The following LGALSL variants were observed in gnomAD, a reference collection of about 807,000 sequenced individuals.
The protein encoded by LGALSL is galectin-related protein.
In LGALSL, 13 loss-of-function variants were observed where a neutral mutation model predicts 19.5. The observed-to-expected ratio is 0.67, with a 90% CI of 0.43 to 1.06. The LOEUF is 1.06. Among genes scored for constraint, LGALSL ranks in the 50% least tolerant of loss-of-function variants. LGALSL has a pLI of 0.00. For synonymous variants in LGALSL, 86 were observed against 78.3 expected, an observed-to-expected ratio of 1.10 and a Z score of -0.52; for missense variants, 189 against 219.3, an observed-to-expected ratio of 0.86 and a Z score of 0.87.
intron 2 of LGALSL, 79 bp from the exon 3 acceptor site, chr2:64,455,510 G>T (rs1686721122): frequency 6.7e-7 from 1 of 1,488,672 alleles, no homozygotes; most frequent in Non-Finnish European, 9.4e-7. Context: ...TTTCCAGTGG[G>T]TCAGGCCTTC....
At chr2:64,457,829 A>T (rs543454897) in intron 4 of LGALSL, among the ~76,000 whole-genome samples, 1 of 152,264 alleles carries the variant, frequency 6.6e-6, no homozygotes, top group South Asian at 2.1e-4. Context: ...CTTAGTGATG[A>T]ACCTTAATGC....
intron 1 of LGALSL, 76 bp from the exon 2 acceptor site, chr2:64,455,268 A>C: frequency 1.1e-6 from 1 of 925,600 alleles, no homozygotes; most frequent in Non-Finnish European, 1.8e-6. Context: ...GGATTCCACC[A>C]CATCTGTGTG....
chr2:64,455,065 C>G (rs959723846), intron 1 of LGALSL, among the ~76,000 whole-genome samples: 1 of 152,200 alleles, frequency 6.6e-6, no homozygotes, highest in African/African-American at 2.4e-5. Flanking sequence ...GGGGCCTGCC[C>G]TCCTCCGGCG....
rs1686785423 is a variant in LGALSL, at chr2:64,459,547, A to G, written c.*1119A>G. 6.6e-6 allele frequency: 1 copy of G among 152,168 alleles called. No homozygotes were observed. Among genetic ancestry groups the G allele is most frequent in the African/African-American group, 2.4e-5 (1 of 41,448 alleles). 9.4% of individuals were successfully genotyped at this position (152,168 alleles called of 1,614,324 possible). ...TTATGTGACCCTCACCAATATCCCT[A>G]AGTAATGCCTTTGGAAGCTTCAGAG... On this transcript the variant is annotated 3_prime_UTR_variant, in exon 5 of 5. Transcript: ENST00000238875.
At position 64,460,424 on chromosome 2, in the gene LGALSL, T is replaced by C. The variant is rs886760324; in HGVS notation, c.*1996T>C. On this transcript the variant is annotated 3_prime_UTR_variant, in exon 5 of 5. Coordinates refer to ENST00000238875, the MANE Select transcript of LGALSL (RefSeq NM_014181.3). ...ATTTGTGGAGTTTTGATCCAACTTA[T>C]GGTGGAAGAGCCCCATAGGAAGACT... is the stretch of plus-strand genomic sequence containing the variant. The C allele has an allele frequency of 1.3e-5, 2 of 152,226 alleles. No homozygotes were observed. Among genetic ancestry groups the C allele is most frequent in the Non-Finnish European group, 2.9e-5 (2 of 68,040 alleles). 9.4% of individuals were successfully genotyped at this position (152,226 alleles called of 1,614,324 possible). A position where few individuals can be genotyped will look rare whatever the true frequency, so the allele number is the denominator to read the frequency against.
At chr2:64,457,430 A>T (rs57204350) in intron 4 of LGALSL, among the ~76,000 whole-genome samples, 42,974 of 151,734 alleles carry the variant, frequency 0.28, 6,912 homozygotes, top group East Asian at 0.78. Flanking sequence ...TCAAAAAAAA[A>T]AAAAATAAAG....
chr2:64,456,162 T>C (rs1686732543), intron 3 of LGALSL, 126 bp from the exon 4 acceptor site: 2 of 740,862 alleles, frequency 2.7e-6, no homozygotes, highest in South Asian at 1.9e-5. Context: ...ATCTAACCTC[T>C]CTTGAAGAGT....
In LGALSL at chr2:64,460,173, CTG is replaced by C. The variant is rs1686795673; in HGVS notation, c.*1747_*1748del. ...ATTTGGATTCTTCTCAACTTTGAAA[CTG>C]TTTAGCACAGTTCCATTGTATTATA... On this transcript the variant is annotated 3_prime_UTR_variant, in exon 5 of 5. Transcript: ENST00000238875. The C allele has an allele frequency of 6.6e-6, 1 of 152,126 alleles. No individual in the cohort carries two copies. Among genetic ancestry groups the C allele is most frequent in the African/African-American group, 2.4e-5 (1 of 41,430 alleles). 9.4% of individuals were successfully genotyped at this position (152,126 alleles called of 1,614,324 possible).
At position 64,454,992 on chromosome 2, in the gene LGALSL, T is replaced by TA. The variant is rs1358402687; in HGVS notation, c.37-352_37-351insA. Among the ~76,000 whole-genome samples the TA allele has an allele frequency of 6.6e-6, 1 of 152,144 alleles. No homozygotes were observed. The highest frequency in any genetic ancestry group is 2.4e-5 in the African/African-American group (1 of 41,432). Reference sequence around the variant, plus strand: ...AGAAGTTGAGCACGGCCGCTGCACTTCAGTCACGTCCCGAAGGACAGGCCT... The same window carrying TA: ...AGAAGTTGAGCACGGCCGCTGCACTTACAGTCACGTCCCGAAGGACAGGCCT... On this transcript the variant is annotated intron_variant, in intron 1 of 4. Coordinates refer to ENST00000238875, the MANE Select transcript of LGALSL (RefSeq NM_014181.3). This position sits in a 1 kb window ranked among gnomAD's most constrained non-coding sequence, Gnocchi z 5.1.
rs1419184285 is a variant in LGALSL, at chr2:64,459,739, C to T, written c.*1311C>T. The T allele has an allele frequency of 6.6e-6, 1 of 152,130 alleles. No homozygotes were observed. The highest frequency in any genetic ancestry group is 6.6e-5 in the Admixed American group (1 of 15,264). 9.4% of individuals were successfully genotyped at this position (152,130 alleles called of 1,614,324 possible). On this transcript the variant is annotated 3_prime_UTR_variant, in exon 5 of 5. Transcript: ENST00000238875. The stretch of plus-strand genomic sequence containing the variant: ...CTTCCAATTAAGCTGTAGGTGTTAC[C>T]CTGCACTTACGGAACTGATCAAACA...
At position 64,459,505 on chromosome 2, in the gene LGALSL, T is replaced by C. The variant is rs896014313; in HGVS notation, c.*1077T>C. ...ATTTATATCAACTTAAGCTGTTAGC[T>C]CATTGTATAACTTTTCTTATGTGAC... is the stretch of plus-strand genomic sequence containing the variant. On this transcript the variant is annotated 3_prime_UTR_variant, in exon 5 of 5. Transcript: ENST00000238875. 2.0e-5 allele frequency: 3 copies of C among 152,226 alleles called. No homozygotes were observed. Among genetic ancestry groups the C allele is most frequent in the Non-Finnish European group, 4.4e-5 (3 of 68,050 alleles). 9.4% of individuals were successfully genotyped at this position (152,226 alleles called of 1,614,324 possible).
In LGALSL at chr2:64,454,684, C is replaced by A; in HGVS notation, c.36+103C>A. ...GGGTGCTGAGCAGCCGCAGGCCCGG[C>A]CGGCGCCCGGCGCGTGGGAAGGCGC... On this transcript the variant is annotated intron_variant, in intron 1 of 4. Transcript: ENST00000238875. The surrounding 1 kb of genome is among the most constrained non-coding windows in gnomAD (Gnocchi z 5.1). The A allele has an allele frequency of 1.2e-6, 1 of 845,000 alleles. No individual in the cohort carries two copies. The highest frequency in any genetic ancestry group is 1.6e-6 in the Non-Finnish European group (1 of 644,520). The allele number at this position is 845,000 out of a possible 1,614,324, so 52.3% of individuals were successfully genotyped here.
chr2:64,455,616 G>A lies in LGALSL; in HGVS notation c.136G>A (p.Gly46Ser), dbSNP rs1472672093. Reference protein sequence around the residue: ...LIVPFCGHIKGGMRPGKKVLV... With the variant: ...LIVPFCGHIKSGMRPGKKVLV... Reference sequence around the variant, plus strand: ...AGTTCCATTTTGTGGGCACATTAAAGGTGGCATGAGACCAGGCAAGAAGGT... The same window carrying A: ...AGTTCCATTTTGTGGGCACATTAAAAGTGGCATGAGACCAGGCAAGAAGGT... Residue 46 changes from glycine (G) to serine (S), a missense_variant, in exon 3 of 5, where the codon GGT becomes AGT. Gly to Ser is a moderately conservative substitution (Grantham distance 56). Around this residue, in one of 3 missense-constraint regions of LGALSL, gnomAD observed 21 missense variants for 51.0 expected, o/e 0.41. Transcript: ENST00000238875. 3 of 1,614,078 alleles carry A rather than the reference G, an allele frequency of 1.9e-6. No individual in the cohort carries two copies.
chr2:64,454,330 C>G lies in LGALSL; in HGVS notation c.-216C>G. On this transcript the variant is annotated 5_prime_UTR_variant, in exon 1 of 5. Coordinates refer to ENST00000238875, the MANE Select transcript of LGALSL (RefSeq NM_014181.3). This position sits in a 1 kb window ranked among gnomAD's most constrained non-coding sequence, Gnocchi z 5.1. ...CTGGGCCGCGGCAAGCACCTTCGCC[C>G]TCCCAGCTCGCGCTGCCTCCCTCCC... 1 of 393,432 alleles carries G rather than the reference C, an allele frequency of 2.5e-6. No individual in the cohort carries two copies. Among genetic ancestry groups the G allele is most frequent in the Non-Finnish European group, 4.5e-6 (1 of 223,000 alleles). 24.4% of individuals were successfully genotyped at this position (393,432 alleles called of 1,614,324 possible).
At chr2:64,455,224 ATC>A in intron 1 of LGALSL, 118 bp from the exon 2 acceptor site, 1 of 748,512 alleles carries the variant, frequency 1.3e-6, no homozygotes, top group East Asian at 2.4e-5. Flanking sequence ...AAGAGGCATC[ATC>A]TGCAGACACT....
intron 4 of LGALSL, among the ~76,000 whole-genome samples, chr2:64,457,377 G>A (rs1686752724): frequency 1.3e-5 from 2 of 151,550 alleles, no homozygotes; most frequent in Admixed American, 1.3e-4. Context: ...TGAGCTATGT[G>A]TGCATCACTG....
rs1443819573 is a variant in LGALSL, at chr2:64,454,974, G to C, written c.37-370G>C. On this transcript the variant is annotated intron_variant, in intron 1 of 4. Coordinates refer to ENST00000238875, the MANE Select transcript of LGALSL (RefSeq NM_014181.3). This position sits in a 1 kb window ranked among gnomAD's most constrained non-coding sequence, Gnocchi z 5.1. Reference sequence around the variant, plus strand: ...GCGCCCGGGGCTCCCGAGAGAAGTTGAGCACGGCCGCTGCACTTCAGTCAC... The same window carrying C: ...GCGCCCGGGGCTCCCGAGAGAAGTTCAGCACGGCCGCTGCACTTCAGTCAC... Among the ~76,000 whole-genome samples the C allele has an allele frequency of 6.6e-6, 1 of 152,194 alleles. No homozygotes were observed. Among genetic ancestry groups the C allele is most frequent in the Non-Finnish European group, 1.5e-5 (1 of 68,028 alleles).
chr2:64,456,924 C>T (rs1020129203), intron 4 of LGALSL, among the ~76,000 whole-genome samples: 1 of 152,072 alleles, frequency 6.6e-6, no homozygotes, highest in Non-Finnish European at 1.5e-5. Flanking sequence ...CTAATGAGGC[C>T]ATGTTCGTGT....
At chr2:64,456,573 G>T in intron 4 of LGALSL, 108 bp downstream of exon 4, 3 of 877,862 alleles carry the variant, frequency 3.4e-6, no homozygotes, top group African/African-American at 1.7e-5. Flanking sequence ...TGCATGTCCA[G>T]GAAATTTGTC....
Sources: allele counts gnomAD v4.1 joint callset (sites outside exome capture counted in the v4.1 genomes callset), GRCh38; gene constraint gnomAD v4.1.1; regional missense constraint gnomAD v4.1.1; non-coding constraint Gnocchi (gnomAD v3.1); transcripts MANE v1.5; gene names NCBI Gene and HGNC (gene_info 2026-07-23, HGNC 2026-07-21).